ZNF565: variants seen among roughly 807,000 people sequenced by gnomAD.
ZNF565 encodes the protein zinc finger protein 565.
In ZNF565, 27 loss-of-function variants were observed where a neutral mutation model predicts 39.4. That is an observed-to-expected ratio of 0.69 (90% confidence interval 0.51 to 0.95). The LOEUF is 0.95. Among genes scored for constraint, ZNF565 ranks in the 40% least tolerant of loss-of-function variants. The probability of loss-of-function intolerance (pLI) is 0.00; values close to 1 mark genes in which losing one functional copy is unlikely to be tolerated. For missense variants in ZNF565, 524 were observed against 621.1 expected, an observed-to-expected ratio of 0.84 and a Z score of 1.66; for synonymous variants, 185 against 216.6, an observed-to-expected ratio of 0.85 and a Z score of 1.28.
chr19:36,224,554 G>A (rs1023933778), intron 1 of ZNF565, among the ~76,000 whole-genome samples: 1 of 152,116 alleles, frequency 6.6e-6, no homozygotes, highest in African/African-American at 2.4e-5. Context: ...TACTATTGAG[G>A]CTTTATCATT....
chr19:36,211,459 A>T (rs1371134052), intron 1 of ZNF565, among the ~76,000 whole-genome samples: 6 of 141,466 alleles, frequency 4.2e-5, no homozygotes, highest in Non-Finnish European at 8.9e-5. Flanking sequence ...TCACACACAC[A>T]CACACACACA....
At chr19:36,193,832 T>A (rs992991075) in intron 4 of ZNF565, among the ~76,000 whole-genome samples, 15 of 152,000 alleles carry the variant, frequency 9.9e-5, no homozygotes, top group Non-Finnish European at 2.9e-5. Context: ...CACTTTGGCC[T>A]CCCAAAGTGG....
At position 36,245,860 on chromosome 19, in the gene ZNF565, G is replaced by A. The variant is rs2029896180; in HGVS notation, c.-330C>T. 1.3e-5 allele frequency: 4 copies of A among 315,094 alleles called. No homozygotes were observed. Among genetic ancestry groups the A allele is most frequent in the South Asian group, 1.0e-4 (2 of 19,568 alleles). 19.5% of individuals were successfully genotyped at this position (315,094 alleles called of 1,614,324 possible). On this transcript the variant is annotated 5_prime_UTR_variant, in exon 1 of 5. Transcript: ENST00000355114. This position sits in a 1 kb window ranked among gnomAD's most constrained non-coding sequence, Gnocchi z 4.4. ...CTACTGGATCCGCTGTCTCGGTTTG[G>A]GTGCGGGGCCTTGGCTCAGGCGGAA...
intron 1 of ZNF565, among the ~76,000 whole-genome samples, chr19:36,223,652 C>T (rs1199985275): frequency 2.8e-5 from 4 of 144,706 alleles, no homozygotes; most frequent in South Asian, 2.3e-4. Flanking sequence ...CGTGAGCCAC[C>T]GCGCGTGGCT....
chr19:36,187,950 A>G lies in ZNF565; in HGVS notation c.233-4217T>C, dbSNP rs375034807. On this transcript the variant is annotated intron_variant, in intron 4 of 4. Coordinates refer to ENST00000304116, the MANE Select transcript of ZNF565 (RefSeq NM_152477.5). Reference sequence around the variant, plus strand: ...ACCGCGCCTGGCCCAGCCTCCAAACATATAATGCAAAATTCAAAAGACACA... The same window carrying G: ...ACCGCGCCTGGCCCAGCCTCCAAACGTATAATGCAAAATTCAAAAGACACA... Among the ~76,000 whole-genome samples the G allele has an allele frequency of 6.6e-5, 10 of 151,862 alleles. 1 individual carries two copies. In the East Asian group the frequency reaches 2.0e-3, roughly 30 times the overall value.
chr19:36,229,683 T>C (rs1977239947), intron 1 of ZNF565, among the ~76,000 whole-genome samples: 1 of 152,226 alleles, frequency 6.6e-6, no homozygotes, highest in Non-Finnish European at 1.5e-5. Context: ...GTACATAAGT[T>C]TTTTTCTTAG....
chr19:36,215,211 T>C (rs1290563466), upstream of ZNF565: 1 of 152,128 alleles, frequency 6.6e-6, no homozygotes, highest in African/African-American at 2.4e-5. Flanking sequence ...GATCTGGGCG[T>C]CTCGGGTCGG....
intron 1 of ZNF565, among the ~76,000 whole-genome samples, chr19:36,222,554 G>A (rs10407850): frequency 0.26 from 39,397 of 151,974 alleles, 5,509 homozygotes; most frequent in African/African-American, 0.37. Context: ...TCGAATATTT[G>A]GTATTTCGCT....
chr19:36,207,530 C>T (rs1976199043), intron 1 of ZNF565, among the ~76,000 whole-genome samples: 1 of 129,968 alleles, frequency 7.7e-6, no homozygotes, highest in Non-Finnish European at 1.6e-5. Context: ...CAGAGTGAGA[C>T]TCCATCTCAA....
At position 36,202,066 on chromosome 19, in the gene ZNF565, G is replaced by A. The variant is rs562253484; in HGVS notation, c.-65-16C>T. The A allele has an allele frequency of 6.4e-6, 9 of 1,409,476 alleles. No homozygotes were observed. Among genetic ancestry groups the A allele is most frequent in the Admixed American group, 1.7e-5 (1 of 59,664 alleles). 87.3% of individuals were successfully genotyped at this position (1,409,476 alleles called of 1,614,324 possible). A position where few individuals can be genotyped will look rare whatever the true frequency, so the allele number is the denominator to read the frequency against. ...GTGCAGAGTCCTGAAAAAGCAAAAT[G>A]GGGGGAGATGGGGTAACCTCTGATA... On this transcript the variant is annotated splice_polypyrimidine_tract_variant and intron_variant, in intron 1 of 4. Coordinates refer to ENST00000304116, the MANE Select transcript of ZNF565 (RefSeq NM_152477.5).
chr19:36,219,652 T>G (rs1275315318), upstream of ZNF565, among the ~76,000 whole-genome samples: 1 of 152,236 alleles, frequency 6.6e-6, no homozygotes, highest in Non-Finnish European at 1.5e-5. Context: ...TTATGTTTAC[T>G]TTGGTTCATT....
intron 1 of ZNF565, among the ~76,000 whole-genome samples, chr19:36,211,368 A>AG: frequency 1.3e-5 from 2 of 148,968 alleles, no homozygotes; most frequent in South Asian, 2.2e-4. Context: ...GCTTGAATCC[A>AG]GGAGGCAGAG....
chr19:36,193,441 CTTTTTTT>C (rs918390781), intron 4 of ZNF565, among the ~76,000 whole-genome samples: 21 of 131,838 alleles, frequency 1.6e-4, no homozygotes, highest in Non-Finnish European at 2.6e-4. Context: ...TTTCTTTTTT[CTTTTTTT>C]TTTTTTTTTT....
intron 4 of ZNF565, among the ~76,000 whole-genome samples, chr19:36,192,803 A>G (rs62113093): frequency 0.18 from 27,485 of 150,236 alleles, 2,709 homozygotes; most frequent in Non-Finnish European, 0.21. Context: ...TGCCCAGCCA[A>G]TAAAATGGTT....
chr19:36,241,728 G>T (rs1288900327), intron 1 of ZNF565, among the ~76,000 whole-genome samples: 5 of 146,076 alleles, frequency 3.4e-5, no homozygotes, highest in African/African-American at 5.2e-5. Flanking sequence ...GGAGGTGGAG[G>T]TTGCAGTGAG....
At chr19:36,223,656 C>G (rs567235411) in intron 1 of ZNF565, among the ~76,000 whole-genome samples, 26 of 139,420 alleles carry the variant, frequency 1.9e-4, no homozygotes, top group Admixed American at 1.3e-3. Context: ...AGCCACCGCG[C>G]GTGGCTGATT....
chr19:36,189,003 G>A (rs1019305238), intron 4 of ZNF565, among the ~76,000 whole-genome samples: 4 of 152,182 alleles, frequency 2.6e-5, no homozygotes, highest in Non-Finnish European at 4.4e-5. Flanking sequence ...AAGTAGAACA[G>A]AGGTGACCAG....
intron 1 of ZNF565, among the ~76,000 whole-genome samples, chr19:36,241,781 C>CA (rs57036778): frequency 0.039 from 3,084 of 79,518 alleles, 194 homozygotes; most frequent in African/African-American, 0.12. Context: ...AGAAGAGTGT[C>CA]AAAAAAAAAA....
intron 1 of ZNF565, among the ~76,000 whole-genome samples, chr19:36,233,865 G>A (rs1010713403): frequency 9.2e-5 from 14 of 152,156 alleles, no homozygotes; most frequent in Non-Finnish European, 1.8e-4. Context: ...TATCTCAACT[G>A]CAAAGAGGTC....
Sources: allele counts gnomAD v4.1 joint callset (sites outside exome capture counted in the v4.1 genomes callset), GRCh38; gene constraint gnomAD v4.1.1; non-coding constraint Gnocchi (gnomAD v3.1); transcripts MANE v1.5; gene names NCBI Gene and HGNC (gene_info 2026-07-23, HGNC 2026-07-21).